ZEB2: variants seen among roughly 807,000 people sequenced by gnomAD.
ZEB2 encodes zinc finger E-box binding homeobox 2, also known as zinc finger E-box-binding homeobox 2.
A neutral mutation model predicts 99.9 loss-of-function variants in ZEB2; 6 were observed. The observed-to-expected ratio is 0.06, with a 90% CI of 0.03 to 0.12. The LOEUF is 0.12. Among genes scored for constraint, ZEB2 ranks in the 10% least tolerant of loss-of-function variants. The pLI is 1.00. For synonymous variants in ZEB2, 517 were observed against 542.5 expected (o/e 0.95, Z 0.65); for missense variants, 969 against 1,502.8 (o/e 0.64, Z 5.87).
rs559797620 is a variant in ZEB2, at chr2:144,448,540, T to A, written c.74-18514A>T. On this transcript the variant is annotated intron_variant, in intron 2 of 9. Transcript: ENST00000627532. ...CAAACTGTGCATGCAAGGTACATGC[T>A]AAAAAGGGCCTTTATGGTTTTTGAC... 1.6e-4 allele frequency among the ~76,000 whole-genome samples: 25 copies of A among 152,330 alleles called. No individual in the cohort carries two copies. In the East Asian group the frequency reaches 4.3e-3, roughly 26 times the overall value.
At position 144,422,550 on chromosome 2, in the gene ZEB2, G is replaced by A. The variant is rs573676069; in HGVS notation, c.403+2246C>T. ...CGCAGTGGCACATGCCTGTAATCCC[G>A]GCACTTCGGGAGGCCGAGGTGGGAG... is the stretch of plus-strand genomic sequence containing the variant. On this transcript the variant is annotated intron_variant, in intron 4 of 9. Transcript: ENST00000627532. 3.9e-5 allele frequency among the ~76,000 whole-genome samples: 6 copies of A among 152,236 alleles called. No homozygotes were observed. In the South Asian group the frequency reaches 1.0e-3, roughly 26 times the overall value.
intron 2 of ZEB2, among the ~76,000 whole-genome samples, chr2:144,500,481 T>A (rs1456470399): frequency 1.3e-5 from 2 of 152,206 alleles, no homozygotes; most frequent in Non-Finnish European, 2.9e-5. Context: ...TTGATACTGT[T>A]CACTCACTGA....
At chr2:144,467,404 A>T (rs1163330423) in intron 2 of ZEB2, among the ~76,000 whole-genome samples, 1 of 152,150 alleles carries the variant, frequency 6.6e-6, no homozygotes, top group East Asian at 1.9e-4. Context: ...TATAGCAATG[A>T]TTCTTCACCT....
chr2:144,384,276 T>G lies in ZEB2; in HGVS notation c.*5175A>C, dbSNP rs766522797. On this transcript the variant is annotated 3_prime_UTR_variant, in exon 10 of 10. Transcript: ENST00000627532. The stretch of plus-strand genomic sequence containing the variant: ...TAGGCGACTCGTTTAATAGAGAAAG[T>G]TTTAGCTTGTGGCATATTCAGCATC... 3.3e-5 allele frequency: 5 copies of G among 152,116 alleles called. No individual in the cohort carries two copies. The highest frequency in any genetic ancestry group is 4.8e-5 in the African/African-American group (2 of 41,424). 9.4% of individuals were successfully genotyped at this position (152,116 alleles called of 1,614,324 possible). A position where few individuals can be genotyped will look rare whatever the true frequency, so the allele number is the denominator to read the frequency against.
intron 2 of ZEB2, among the ~76,000 whole-genome samples, chr2:144,477,379 AT>A (rs1704444976): frequency 6.6e-6 from 1 of 152,212 alleles, no homozygotes; most frequent in African/African-American, 2.4e-5. Flanking sequence ...GAGTGTGTTT[AT>A]TTTTATTGGT....
At chr2:144,511,445 TTTC>T in intron 2 of ZEB2, 1 of 1,250,868 alleles carries the variant, frequency 8.0e-7, no homozygotes, top group Non-Finnish European at 1.0e-6. Flanking sequence ...TCCTGAGAGA[TTTC>T]ACTCTGACAT....
chr2:144,479,675 CT>C lies in ZEB2; in HGVS notation c.73+37602del, dbSNP rs77727562. On this transcript the variant is annotated intron_variant, in intron 2 of 9. Transcript: ENST00000627532. ...ATACTCTTAGTGAGTGTGTATGCTA[CT>C]TTTTTTTGGGGGGGGGGGCGGGGGG... Among the ~76,000 whole-genome samples, 90 of 22,332 alleles carry C rather than the reference CT, an allele frequency of 4.0e-3. 7 individuals are homozygous for C. Among genetic ancestry groups the C allele is most frequent in the Admixed American group, 9.8e-3 (13 of 1,326 alleles). The allele number at this position is 22,332 out of a possible 152,430, so 14.7% of individuals were successfully genotyped here. A position where few individuals can be genotyped will look rare whatever the true frequency, so the allele number is the denominator to read the frequency against.
At position 144,509,603 on chromosome 2, in the gene ZEB2, G is replaced by T. The variant is rs534526756; in HGVS notation, c.73+7675C>A. On this transcript the variant is annotated intron_variant, in intron 2 of 9. Transcript: ENST00000627532. ...TTGCACTTCCAAAGTTTGTGTGTGT[G>T]TTTGTGTGTGTGAATGTGTGTGTGT... Among the ~76,000 whole-genome samples the T allele has an allele frequency of 2.6e-4, 40 of 152,130 alleles. No individual in the cohort carries two copies. In the South Asian group the frequency reaches 8.3e-3, roughly 32 times the overall value.
intron 2 of ZEB2, chr2:144,513,416 T>C (rs1423824303): frequency 7.2e-7 from 1 of 1,389,254 alleles, no homozygotes; most frequent in African/African-American, 1.4e-5. Context: ...CCCCAACCCT[T>C]TAGTGGAAAC....
intron 5 of ZEB2, among the ~76,000 whole-genome samples, chr2:144,404,518 G>T (rs1314391977): frequency 6.6e-6 from 1 of 152,118 alleles, no homozygotes; most frequent in Non-Finnish European, 1.5e-5. Flanking sequence ...AACAAAAGGT[G>T]AGGGAGTGTC....
At chr2:144,442,026 A>C (rs994578531) in intron 2 of ZEB2, among the ~76,000 whole-genome samples, 1 of 152,222 alleles carries the variant, frequency 6.6e-6, no homozygotes, top group African/African-American at 2.4e-5. Context: ...CGTTTCATTA[A>C]GATACAGTGG....
chr2:144,404,057 G>A lies in ZEB2; in HGVS notation c.666C>T (p.Arg222=), dbSNP rs146662449. 5.0e-6 allele frequency: 8 copies of A among 1,614,002 alleles called. No individual in the cohort carries two copies. The highest frequency in any genetic ancestry group is 3.3e-5 in the South Asian group (3 of 91,084). ...TGATGTGCTCCTTCAGTGATGTCAA[G>A]CGCTTGTAGCCCCGGTCGCAGTAGG... ...TCPYCDRGYK[R]LTSLKEHIKY... Residue 222 remains arginine (R), a synonymous_variant, in exon 6 of 10, where the codon CGC becomes CGT. Transcript: ENST00000627532.
At chr2:144,512,999 A>G (rs750179670) in intron 2 of ZEB2, 13 of 1,287,142 alleles carry the variant, frequency 1.0e-5, no homozygotes, top group South Asian at 7.4e-5. Context: ...TTGCAAAGAT[A>G]ACCAAGTCTG....
chr2:144,513,068 C>G, intron 2 of ZEB2: 3 of 1,287,190 alleles, frequency 2.3e-6, no homozygotes, highest in Non-Finnish European at 3.0e-6. Flanking sequence ...CTCGTTGCCC[C>G]ATCCCAACTT....
intron 2 of ZEB2, among the ~76,000 whole-genome samples, chr2:144,484,057 C>T (rs1329687391): frequency 1.3e-5 from 2 of 152,038 alleles, no homozygotes; most frequent in African/African-American, 4.8e-5. Context: ...ACAGGCCAAG[C>T]AGGTGAGGGA....
At chr2:144,413,908 G>C (rs1703499222) in intron 4 of ZEB2, among the ~76,000 whole-genome samples, 1 of 152,188 alleles carries the variant, frequency 6.6e-6, no homozygotes, top group Non-Finnish European at 1.5e-5. Context: ...GAAATTGAGA[G>C]TTATTAAACC....
At chr2:144,461,193 T>C (rs1180287688) in intron 2 of ZEB2, 1 of 151,710 alleles carries the variant, frequency 6.6e-6, no homozygotes, top group Non-Finnish European at 1.5e-5. Flanking sequence ...TTGTGAGCGA[T>C]TGCAAAGTAC....
Position 144,389,484 on chromosome 2 carries a change from G to A in ZEB2, c.3612C>T (p.Asp1204=). ...CATCTTCCATATTGTCTTCCTCGTG[G>A]TCTGATTTGGTTTCCATTTTCCCAT... ...SEDGKMETKS[D]HEEDNMEDGM Residue 1204 remains aspartate (D), a synonymous_variant, in exon 10 of 10, where the codon GAC becomes GAT. Transcript: ENST00000627532. The surrounding 1 kb of genome is among the most constrained non-coding windows in gnomAD (Gnocchi z 6.8). The A allele has an allele frequency of 6.2e-7, 1 of 1,614,030 alleles. No individual in the cohort carries two copies. The highest frequency in any genetic ancestry group is 8.5e-7 in the Non-Finnish European group (1 of 1,180,006).
intron 2 of ZEB2, among the ~76,000 whole-genome samples, chr2:144,444,320 G>A (rs1703955884): frequency 6.6e-6 from 1 of 152,174 alleles, no homozygotes; most frequent in Non-Finnish European, 1.5e-5. Flanking sequence ...TGGCAAACAG[G>A]TTTCTGGAGA....
Sources: allele counts gnomAD v4.1 joint callset (sites outside exome capture counted in the v4.1 genomes callset), GRCh38; gene constraint gnomAD v4.1.1; non-coding constraint Gnocchi (gnomAD v3.1); transcripts MANE v1.5; gene names NCBI Gene and HGNC (gene_info 2026-07-23, HGNC 2026-07-21).